USP22: variants seen among roughly 807,000 people sequenced by gnomAD.
USP22 encodes ubiquitin specific peptidase 22, also known as ubiquitin carboxyl-terminal hydrolase 22.
Under a neutral mutation model 68.1 loss-of-function variants are expected in USP22, and 22 were observed. That is an observed-to-expected ratio of 0.32 (90% confidence interval 0.23 to 0.46). The LOEUF (loss-of-function observed/expected upper bound fraction) is 0.46, where lower values mean the gene tolerates loss of function less well. USP22 is among the 20% of genes least tolerant of loss of function. The pLI, the probability that USP22 is intolerant of heterozygous loss-of-function variation, is 1.00. For synonymous variants in USP22, 279 were observed against 274.2 expected (o/e 1.02, Z -0.17); for missense variants, 433 against 695.8 (o/e 0.62, Z 4.25).
At chr17:21,040,174 C>T (rs1972408629) in intron 1 of USP22, among the ~76,000 whole-genome samples, 1 of 152,114 alleles carries the variant, frequency 6.6e-6, no homozygotes, top group Non-Finnish European at 1.5e-5. Flanking sequence ...GACTCTGTCT[C>T]TACAAAAAAT....
At chr17:21,010,649 GCA>G (rs1164401136) in intron 8 of USP22, among the ~76,000 whole-genome samples, 3 of 140,358 alleles carry the variant, frequency 2.1e-5, no homozygotes, top group Non-Finnish European at 4.5e-5. Context: ...GGTCGACAGA[GCA>G]CAACTCTGTC....
intron 8 of USP22, among the ~76,000 whole-genome samples, chr17:21,008,300 C>T (rs569058552): frequency 6.6e-6 from 1 of 152,228 alleles, no homozygotes; most frequent in South Asian, 2.1e-4. Context: ...AATGTTCACA[C>T]ACAAACTGTC....
chr17:21,021,010 T>G (rs1972150383), intron 3 of USP22, 103 bp downstream of exon 3: 1 of 898,166 alleles, frequency 1.1e-6, no homozygotes, highest in Non-Finnish European at 1.8e-6. Context: ...CCCACCAGCC[T>G]GCCACTTCCC....
chr17:21,032,708 G>T (rs1017694248), intron 1 of USP22, among the ~76,000 whole-genome samples: 1 of 152,114 alleles, frequency 6.6e-6, no homozygotes, highest in Admixed American at 6.6e-5. Flanking sequence ...GGAGGCCGAG[G>T]TGGGAGGACA....
intron 2 of USP22, among the ~76,000 whole-genome samples, chr17:21,022,312 C>T (rs1455742010): frequency 6.7e-6 from 1 of 149,128 alleles, no homozygotes; most frequent in African/African-American, 2.5e-5. Context: ...TCAACATAAA[C>T]CTTTATTTTA....
At chr17:21,042,127 C>G (rs1376595324) in intron 1 of USP22, 1 of 152,506 alleles carries the variant, frequency 6.6e-6, no homozygotes, top group South Asian at 2.1e-4. Flanking sequence ...TCGACAGCCC[C>G]CCATCCTTTA....
At chr17:21,003,577 GA>G (rs2143503687) in intron 12 of USP22, among the ~76,000 whole-genome samples, 1 of 152,308 alleles carries the variant, frequency 6.6e-6, no homozygotes, top group East Asian at 1.9e-4. Context: ...TGCCATGAAG[GA>G]ATGAAACTGG....
intron 8 of USP22, 30 bp downstream of exon 8, chr17:21,011,121 G>A (rs1567791457): frequency 1.0e-5 from 16 of 1,550,748 alleles, no homozygotes; most frequent in East Asian, 2.3e-5. Flanking sequence ...CAGGAGACAC[G>A]CCCCCGCCGT....
chr17:21,007,887 C>A lies in USP22; in HGVS notation c.1213G>T (p.Ala405Ser). 1.9e-6 allele frequency: 3 copies of A among 1,614,040 alleles called. No homozygotes were observed. In the East Asian group the frequency reaches 6.7e-5, roughly 36 times the overall value. Reference sequence around the variant, plus strand: ...AAACTTACTTTGAGATGAAAACAGGCTACGATGGGCAGTTTCTTCATAGTG... The same window carrying A: ...AAACTTACTTTGAGATGAAAACAGGATACGATGGGCAGTTTCTTCATAGTG... ...QLTMKKLPIV[A>S]CFHLKRFEHS... is the part of the protein sequence containing the mutation. The change falls in exon 9 of 13, where the codon GCC becomes TCC. Residue 405 changes from alanine (A) to serine (S), a missense_variant. Coordinates refer to ENST00000261497, the MANE Select transcript of USP22 (RefSeq NM_015276.2).
Position 21,042,882 on chromosome 17 carries a change from G to A in USP22, c.-47C>T. 2 of 1,197,724 alleles carry A rather than the reference G, an allele frequency of 1.7e-6. No individual in the cohort carries two copies. Among genetic ancestry groups the A allele is most frequent in the Non-Finnish European group, 2.1e-6 (2 of 956,652 alleles). 74.2% of individuals were successfully genotyped at this position (1,197,724 alleles called of 1,614,324 possible). Reference sequence around the variant, plus strand: ...CGCGGGGGGCGGCGGCGAGGGAGGCGAGGACGACGCCAGCGCGGCGTGGGG... The same window carrying A: ...CGCGGGGGGCGGCGGCGAGGGAGGCAAGGACGACGCCAGCGCGGCGTGGGG... On this transcript the variant is annotated 5_prime_UTR_variant, in exon 1 of 13. Transcript: ENST00000261497.
At chr17:21,003,795 G>A (rs1401440318) in intron 12 of USP22, among the ~76,000 whole-genome samples, 1 of 105,970 alleles carries the variant, frequency 9.4e-6, no homozygotes, top group African/African-American at 2.6e-5. Context: ...AGCTACTTGG[G>A]AGGCTGAGGC....
At chr17:21,026,745 G>A (rs1489480599) in intron 2 of USP22, among the ~76,000 whole-genome samples, 1 of 151,506 alleles carries the variant, frequency 6.6e-6, no homozygotes, top group Admixed American at 6.6e-5. Context: ...CCGAAGGATC[G>A]CTTGAGCCCA....
At position 21,028,158 on chromosome 17, in the gene USP22, C is replaced by G. The variant is rs149682932; in HGVS notation, c.304+384G>C. On this transcript the variant is annotated intron_variant, in intron 2 of 12. Transcript: ENST00000261497. ...GCTGAAGGCCATAAAATCACCTATG[C>G]CCACCCAACCCCACGCCAGCCTCAG... Among the ~76,000 whole-genome samples, 305 of 152,266 alleles carry G rather than the reference C, an allele frequency of 2.0e-3. 1 individual carries two copies. The highest frequency in any genetic ancestry group is 9.1e-3 in the South Asian group (44 of 4,826).
intron 8 of USP22, among the ~76,000 whole-genome samples, chr17:21,010,446 G>C (rs1368627754): frequency 1.3e-5 from 2 of 152,006 alleles, no homozygotes; most frequent in African/African-American, 4.8e-5. Context: ...GGAGGCCGAG[G>C]TGGGTGAATC....
rs761435784 is a variant in USP22, at chr17:21,010,654, ACT to A, written c.1103+495_1103+496del. Among the ~76,000 whole-genome samples the A allele has an allele frequency of 2.8e-5, 4 of 141,510 alleles. No individual in the cohort carries two copies. The South Asian group carries it at 7.0e-4, about 25-fold the overall frequency. 92.8% of individuals were successfully genotyped at this position (141,510 alleles called of 152,430 possible). ...ATTCCAGCCTGGTCGACAGAGCACA[ACT>A]CTGTCTCAAAAAAAAAAAAAAAAAT... On this transcript the variant is annotated intron_variant, in intron 8 of 12. Coordinates refer to ENST00000261497, the MANE Select transcript of USP22 (RefSeq NM_015276.2).
At chr17:21,007,748 G>C (rs1311976973) in intron 9 of USP22, 122 bp downstream of exon 9, 4 of 1,266,478 alleles carry the variant, frequency 3.2e-6, no homozygotes, top group Non-Finnish European at 4.5e-6. Context: ...CCCTTCCTCG[G>C]TGTTCTTCCT....
chr17:21,018,235 C>A (rs1038108), intron 4 of USP22, 124 bp from the exon 5 acceptor site: 752,367 of 969,248 alleles, frequency 0.78, 294,860 homozygotes, highest in South Asian at 0.84. Context: ...CAAGCCAGAA[C>A]ACGATGAGAT....
chr17:21,042,934 C>G lies in USP22; in HGVS notation c.-99G>C. ...CTGCTCGGCGGCTGGCCAGGCTGGC[C>G]AAGGCCCGGGCGCCGAGAACAAAGC... On this transcript the variant is annotated 5_prime_UTR_variant, in exon 1 of 13. Coordinates refer to ENST00000261497, the MANE Select transcript of USP22 (RefSeq NM_015276.2). The G allele has an allele frequency of 1.2e-6, 1 of 805,900 alleles. No individual in the cohort carries two copies. 49.9% of individuals were successfully genotyped at this position (805,900 alleles called of 1,614,324 possible). A position where few individuals can be genotyped will look rare whatever the true frequency, so the allele number is the denominator to read the frequency against.
chr17:21,018,798 C>T (rs1414729089), intron 4 of USP22, among the ~76,000 whole-genome samples: 1 of 152,240 alleles, frequency 6.6e-6, no homozygotes, highest in African/African-American at 2.4e-5. Context: ...CTGAAGATTA[C>T]TGTGCCCAGC....
Sources: allele counts gnomAD v4.1 joint callset (sites outside exome capture counted in the v4.1 genomes callset), GRCh38; gene constraint gnomAD v4.1.1; transcripts MANE v1.5; gene names NCBI Gene and HGNC (gene_info 2026-07-23, HGNC 2026-07-21).